The following VAV2 variants were observed in gnomAD, a reference collection of about 807,000 sequenced individuals.
VAV2 encodes the protein vav guanine nucleotide exchange factor 2.
A neutral mutation model predicts 132.5 loss-of-function variants in VAV2; 67 were observed. That is an observed-to-expected ratio of 0.51 (90% confidence interval 0.42 to 0.62). The LOEUF (loss-of-function observed/expected upper bound fraction) is 0.62. Ranked by LOEUF, VAV2 falls within the 20% of genes least tolerant of loss-of-function variation. VAV2 has a pLI of 0.00. For missense variants in VAV2, 938 were observed against 1,153.6 expected (o/e 0.81, Z 2.71); for synonymous variants, 492 against 443.5 (o/e 1.11, Z -1.37).
chr9:133,917,441 C>CTTTTTTTTTTTTTTTTTT (rs56141918), intron 2 of VAV2, among the ~76,000 whole-genome samples: 16 of 132,600 alleles, frequency 1.2e-4, no homozygotes, highest in African/African-American at 4.9e-4. Flanking sequence ...AAAACTCTTT[C>CTTTTTTTTTTTTTTTTTT]TTTTTTTTTT....
chr9:133,779,849 G>A, intron 21 of VAV2, 69 bp downstream of exon 21: 6 of 1,581,036 alleles, frequency 3.8e-6, no homozygotes, highest in Non-Finnish European at 4.3e-6. Flanking sequence ...CCACACCTAG[G>A]CCCTGGCTCA....
intron 29 of VAV2, among the ~76,000 whole-genome samples, chr9:133,765,716 T>C (rs1160167408): frequency 6.6e-6 from 1 of 152,216 alleles, no homozygotes; most frequent in Non-Finnish European, 1.5e-5. Context: ...ATTAGATAAT[T>C]GTATTATATC....
chr9:133,801,993 G>A (rs1834945881), intron 9 of VAV2, among the ~76,000 whole-genome samples: 1 of 152,108 alleles, frequency 6.6e-6, no homozygotes, highest in Admixed American at 6.5e-5. Flanking sequence ...TGCGGTCATT[G>A]TTACAGCCAA....
At chr9:133,864,732 G>C (rs1837733099) in intron 2 of VAV2, among the ~76,000 whole-genome samples, 1 of 152,254 alleles carries the variant, frequency 6.6e-6, no homozygotes, top group Non-Finnish European at 1.5e-5. Context: ...GGCCAGACGG[G>C]TAACGCCACA....
chr9:133,852,801 A>C (rs1164135912), intron 3 of VAV2, among the ~76,000 whole-genome samples: 3 of 152,120 alleles, frequency 2.0e-5, no homozygotes, highest in Non-Finnish European at 2.9e-5. Context: ...CAAAGAGGAC[A>C]CACCAGTGTT....
chr9:133,862,627 C>A (rs1043676222), intron 2 of VAV2, among the ~76,000 whole-genome samples: 52 of 152,208 alleles, frequency 3.4e-4, no homozygotes, highest in African/African-American at 1.2e-3. Context: ...AGGCCCACGA[C>A]GGCCACGTGC....
intron 12 of VAV2, 35 bp from the exon 13 acceptor site, chr9:133,791,904 C>T (rs777069005): frequency 5.7e-6 from 9 of 1,578,094 alleles, no homozygotes; most frequent in East Asian, 4.5e-5. Context: ...GCGGGCTGTG[C>T]TGGGTGGGGT....
At chr9:133,810,239 C>T (rs55662449) in intron 5 of VAV2, 34 bp from the exon 6 acceptor site, 21 of 1,612,734 alleles carry the variant, frequency 1.3e-5, no homozygotes, top group South Asian at 3.3e-5. Context: ...GAAACAGCGC[C>T]GGTTAGCAGG....
chr9:133,841,286 C>T (rs1031225608), intron 3 of VAV2, among the ~76,000 whole-genome samples: 3 of 151,866 alleles, frequency 2.0e-5, no homozygotes, highest in African/African-American at 7.3e-5. Flanking sequence ...CCCCACACCA[C>T]CACCGCCCCA....
In VAV2 at chr9:133,769,905, G is replaced by C. The variant is rs79380731; in HGVS notation, c.2348-402C>G. ...GGTGACTCTGGAGAGAGTCCTGAGCGGGAAGCCGCATGCTCGGGGCCTGCC... is the reference window on the plus strand; with the variant it reads ...GGTGACTCTGGAGAGAGTCCTGAGCCGGAAGCCGCATGCTCGGGGCCTGCC... On this transcript the variant is annotated intron_variant, in intron 27 of 29. Coordinates refer to ENST00000371850, the MANE Select transcript of VAV2 (RefSeq NM_001134398.2). This position sits in a 1 kb window ranked among gnomAD's most constrained non-coding sequence, Gnocchi z 8.1. Among the ~76,000 whole-genome samples, 2,443 of 152,310 alleles carry C rather than the reference G, an allele frequency of 0.016. 70 individuals are homozygous for C. Among genetic ancestry groups the C allele is most frequent in the African/African-American group, 0.055 (2,294 of 41,560 alleles).
At chr9:133,930,198 C>A (rs76091344) in intron 2 of VAV2, among the ~76,000 whole-genome samples, 1 of 152,188 alleles carries the variant, frequency 6.6e-6, no homozygotes, top group African/African-American at 2.4e-5. Context: ...ACAGCCCCAC[C>A]GGCCTCCACT....
intron 2 of VAV2, among the ~76,000 whole-genome samples, chr9:133,900,495 G>T (rs1265757985): frequency 6.6e-6 from 1 of 151,204 alleles, no homozygotes; most frequent in Non-Finnish European, 1.5e-5. Context: ...ATAAAAACTG[G>T]CCATAAAGAA....
chr9:133,929,260 T>G (rs2492059), intron 2 of VAV2, among the ~76,000 whole-genome samples: 131,301 of 151,998 alleles, frequency 0.86, 57,800 homozygotes, highest in East Asian at 0.97. Flanking sequence ...AGCCCTCAAG[T>G]TCAAGTCCGG....
At chr9:133,781,079 C>T (rs982024393) in intron 19 of VAV2, among the ~76,000 whole-genome samples, 24 of 152,168 alleles carry the variant, frequency 1.6e-4, no homozygotes, top group Admixed American at 5.9e-4. Context: ...TTTCCACAAT[C>T]GCTTAGTGAT....
intron 1 of VAV2, among the ~76,000 whole-genome samples, chr9:133,958,651 T>C (rs1010956294): frequency 1.3e-5 from 2 of 151,770 alleles, no homozygotes; most frequent in Non-Finnish European, 2.9e-5. Context: ...TCTTTCTCTA[T>C]ACTTTGTATC....
intron 1 of VAV2, among the ~76,000 whole-genome samples, chr9:133,952,496 G>A (rs774454361): frequency 3.9e-5 from 6 of 151,968 alleles, no homozygotes; most frequent in Non-Finnish European, 7.4e-5. Context: ...CCAGCTACTC[G>A]GGAGGCTGAG....
chr9:133,780,168 C>T (rs1489853543), intron 20 of VAV2: 3 of 568,530 alleles, frequency 5.3e-6, no homozygotes, highest in Non-Finnish European at 6.1e-6. Context: ...TTCTCTCTCC[C>T]ACTCCTTACC....
rs1489221028 is a variant in VAV2, at chr9:133,833,893, G to A, written c.449+379C>T. On this transcript the variant is annotated intron_variant, in intron 4 of 29. Transcript: ENST00000371850. This position sits in a 1 kb window ranked among gnomAD's most constrained non-coding sequence, Gnocchi z 5.6. ...AGCACCGCTCCCTCCTCACAACACG[G>A]CATCCCAGGACCCGGCTTGGGGAGC... 6.6e-6 allele frequency among the ~76,000 whole-genome samples: 1 copy of A among 152,086 alleles called. No homozygotes were observed. Among genetic ancestry groups the A allele is most frequent in the African/African-American group, 2.4e-5 (1 of 41,430 alleles).
intron 1 of VAV2, among the ~76,000 whole-genome samples, chr9:133,970,582 C>T (rs2519138): frequency 0.88 from 133,213 of 152,140 alleles, 58,702 homozygotes; most frequent in East Asian, 1. Context: ...TGTGGGGCTG[C>T]AGAGATGGAG....
Sources: gnomAD v4.1 joint callset for allele counts (sites outside exome capture counted in the v4.1 genomes callset) on GRCh38, gnomAD v4.1.1 for gene constraint, Gnocchi (gnomAD v3.1) non-coding constraint, MANE v1.5 for transcripts, NCBI Gene and HGNC (gene_info 2026-07-23, HGNC 2026-07-21) for gene names.